The following ARHGAP44 variants were observed in gnomAD, a reference collection of about 807,000 sequenced individuals.
The protein encoded by ARHGAP44 is Rho GTPase activating protein 44.
ARHGAP44 carries 43 observed loss-of-function variants against 106.8 expected under a neutral mutation model. The observed-to-expected ratio is 0.40, with a 90% CI of 0.32 to 0.52. ARHGAP44 has a LOEUF of 0.52. ARHGAP44 is among the 20% of genes least tolerant of loss of function. ARHGAP44 has a pLI of 0.48. For synonymous variants in ARHGAP44, 439 were observed against 410.3 expected, an observed-to-expected ratio of 1.07 and a Z score of -0.85; for missense variants, 866 against 1,050.5, an observed-to-expected ratio of 0.82 and a Z score of 2.43.
chr17:12,879,721 AAT>A (rs200649817), intron 1 of ARHGAP44, among the ~76,000 whole-genome samples: 14 of 148,880 alleles, frequency 9.4e-5, no homozygotes, highest in South Asian at 2.1e-4. Flanking sequence ...ACAGTTAAAA[AAT>A]ATATATATAT....
At chr17:12,952,970 A>G (rs756387414) in intron 13 of ARHGAP44, among the ~76,000 whole-genome samples, 6 of 151,940 alleles carry the variant, frequency 3.9e-5, no homozygotes, top group Admixed American at 1.3e-4. Flanking sequence ...CATTTTTTAG[A>G]TAAGGAAATG....
chr17:12,982,494 C>T (rs2039858220), intron 19 of ARHGAP44: 1 of 152,182 alleles, frequency 6.6e-6, no homozygotes, highest in Non-Finnish European at 1.5e-5. Context: ...TCTCCACCTG[C>T]TTCTCATCCA....
chr17:12,840,776 C>T (rs915553955), intron 1 of ARHGAP44, among the ~76,000 whole-genome samples: 12 of 152,186 alleles, frequency 7.9e-5, no homozygotes, highest in South Asian at 4.1e-4. Context: ...TAACCTGAGA[C>T]GGCACAAGTA....
chr17:12,936,582 T>C (rs906353019), intron 7 of ARHGAP44, among the ~76,000 whole-genome samples: 1 of 152,246 alleles, frequency 6.6e-6, no homozygotes, highest in African/African-American at 2.4e-5. Flanking sequence ...CCACAGTCTA[T>C]CCACTCGCCT....
At position 12,790,220 on chromosome 17, in the gene ARHGAP44, TC is replaced by T. The variant is rs2033699867; in HGVS notation, c.53+331del. The T allele has an allele frequency of 9.0e-6, 3 of 332,376 alleles. No homozygotes were observed. The East Asian group carries it at 2.0e-4, about 22-fold the overall frequency. 20.6% of individuals were successfully genotyped at this position (332,376 alleles called of 1,614,324 possible). The stretch of plus-strand genomic sequence containing the variant: ...CCCTTCTCCCTCTGGCCGCCTGTCT[TC>T]CTGGAAACAGGTGTTTGCTCTGATT... On this transcript the variant is annotated intron_variant, in intron 1 of 20. Coordinates refer to ENST00000379672, the MANE Select transcript of ARHGAP44 (RefSeq NM_014859.6).
At chr17:12,804,432 G>A (rs539625220) in intron 1 of ARHGAP44, among the ~76,000 whole-genome samples, 1 of 152,310 alleles carries the variant, frequency 6.6e-6, no homozygotes, top group Admixed American at 6.5e-5. Flanking sequence ...CCTCGCCTAA[G>A]TCAGGAGACC....
intron 1 of ARHGAP44, among the ~76,000 whole-genome samples, chr17:12,882,293 A>AC (rs1227810460): frequency 6.6e-6 from 1 of 152,082 alleles, no homozygotes; most frequent in African/African-American, 2.4e-5. Context: ...TGGTTATATT[A>AC]ATTTTGTTAT....
In ARHGAP44 at chr17:12,937,601, A is replaced by C. The variant is rs763891731; in HGVS notation, c.583-3455A>C. Among the ~76,000 whole-genome samples the C allele has an allele frequency of 2.2e-3, 341 of 152,260 alleles. 1 individual carries two copies. Among genetic ancestry groups the C allele is most frequent in the Non-Finnish European group, 3.5e-3 (235 of 68,028 alleles). ...GGGCAGCAGTTTGCTCTGTGAACTC[A>C]CTTCACTGCCAAATCTAAGAGTTGT... is the stretch of plus-strand genomic sequence containing the variant. On this transcript the variant is annotated intron_variant, in intron 7 of 20. Coordinates refer to ENST00000379672, the MANE Select transcript of ARHGAP44 (RefSeq NM_014859.6).
intron 8 of ARHGAP44, 87 bp from the exon 9 acceptor site, chr17:12,943,501 G>A: frequency 1.6e-6 from 2 of 1,248,570 alleles, no homozygotes; most frequent in Non-Finnish European, 2.3e-6. Flanking sequence ...GCATGTGGAA[G>A]CACCTTTCTG....
intron 3 of ARHGAP44, among the ~76,000 whole-genome samples, chr17:12,900,544 A>T (rs2037344730): frequency 6.6e-6 from 1 of 152,218 alleles, no homozygotes; most frequent in Admixed American, 6.5e-5. Context: ...TTAGGAAGTC[A>T]TACCCAACAA....
chr17:12,973,588 G>A (rs1488230419), intron 17 of ARHGAP44: 1 of 541,516 alleles, frequency 1.8e-6, no homozygotes, highest in African/African-American at 1.9e-5. Context: ...GCTGGGGCTA[G>A]ACTCCAAGTT....
chr17:12,847,796 C>T lies in ARHGAP44; in HGVS notation c.54-47144C>T, dbSNP rs1435203578. ...CTGGGATTACAGGCGTGAGCCACCG[C>T]GCCCGGCCCATCACTCTTTTTAAAG... is the stretch of plus-strand genomic sequence containing the variant. On this transcript the variant is annotated intron_variant, in intron 1 of 20. Transcript: ENST00000379672. Among the ~76,000 whole-genome samples, 15 of 152,248 alleles carry T rather than the reference C, an allele frequency of 9.9e-5. 1 individual carries two copies. The highest frequency in any genetic ancestry group is 2.9e-4 in the African/African-American group (12 of 41,554).
intron 1 of ARHGAP44, among the ~76,000 whole-genome samples, chr17:12,892,875 T>G (rs986797545): frequency 2.6e-5 from 4 of 152,138 alleles, no homozygotes; most frequent in African/African-American, 9.7e-5. Flanking sequence ...ATTTTCTTTC[T>G]GAGACTTCCT....
intron 18 of ARHGAP44, among the ~76,000 whole-genome samples, chr17:12,975,855 G>A (rs1020515071): frequency 4.0e-5 from 6 of 148,536 alleles, no homozygotes; most frequent in Non-Finnish European, 8.9e-5. Flanking sequence ...AAAAGTTCAC[G>A]TTCCAGTGAG....
Position 12,949,214 on chromosome 17 carries a change from T to C in ARHGAP44, c.936T>C (p.Asp312=), listed in dbSNP as rs2038936034. Residue 312 remains aspartate, a synonymous_variant, in exon 11 of 21, where the codon GAT becomes GAC. Transcript: ENST00000379672. This position sits in a 1 kb window ranked among gnomAD's most constrained non-coding sequence, Gnocchi z 4.1. ...CGGCCCTGGACTGCTGCGTGGTGGA[T>C]GTGCAGGAGTACTCGGCAGACCCCC... The part of the protein sequence containing the change: ...LKAALDCCVV[D]VQEYSADPHA... The C allele has an allele frequency of 6.3e-7, 1 of 1,578,008 alleles. No individual in the cohort carries two copies. Among genetic ancestry groups the C allele is most frequent in the Non-Finnish European group, 8.6e-7 (1 of 1,162,006 alleles).
chr17:12,889,283 A>G (rs771643111), intron 1 of ARHGAP44, among the ~76,000 whole-genome samples: 5 of 152,150 alleles, frequency 3.3e-5, no homozygotes, highest in Non-Finnish European at 5.9e-5. Flanking sequence ...ACAGAATGCC[A>G]CATTCTGAGT....
intron 1 of ARHGAP44, among the ~76,000 whole-genome samples, chr17:12,866,164 T>A (rs1470968814): frequency 6.6e-6 from 1 of 152,158 alleles, no homozygotes; most frequent in Non-Finnish European, 1.5e-5. Flanking sequence ...GAATTATCTC[T>A]TACTAATATA....
intron 1 of ARHGAP44, among the ~76,000 whole-genome samples, chr17:12,842,438 G>GA (rs1254104790): frequency 7.8e-6 from 1 of 128,880 alleles, no homozygotes; most frequent in Non-Finnish European, 1.5e-5. Context: ...AAAAAAGAAA[G>GA]AAAAAAGAAA....
At position 12,789,760 on chromosome 17, in the gene ARHGAP44, G is replaced by T; in HGVS notation, c.-79G>T. On this transcript the variant is annotated 5_prime_UTR_variant, in exon 1 of 21. Coordinates refer to ENST00000379672, the MANE Select transcript of ARHGAP44 (RefSeq NM_014859.6). ...CCGTCGCCCGGGAGGCTCCGCGCGG[G>T]AGCCATGTAACCCTGCGGCGGGCTC... 1 of 1,297,504 alleles carries T rather than the reference G, an allele frequency of 7.7e-7. No individual in the cohort carries two copies. Among genetic ancestry groups the T allele is most frequent in the Non-Finnish European group, 1.0e-6 (1 of 1,000,584 alleles). 80.4% of individuals were successfully genotyped at this position (1,297,504 alleles called of 1,614,324 possible).
Sources: gnomAD v4.1 joint callset for allele counts (sites outside exome capture counted in the v4.1 genomes callset) on GRCh38, gnomAD v4.1.1 for gene constraint, Gnocchi (gnomAD v3.1) non-coding constraint, MANE v1.5 for transcripts, NCBI Gene and HGNC (gene_info 2026-07-23, HGNC 2026-07-21) for gene names.